The following PARP15 variants were observed in gnomAD, a reference collection of about 807,000 sequenced individuals.
PARP15 encodes poly(ADP-ribose) polymerase family member 15.
In PARP15, 50 loss-of-function variants were observed where a neutral mutation model predicts 62.1. That is an observed-to-expected ratio of 0.81 (90% confidence interval 0.64 to 1.02). The LOEUF (loss-of-function observed/expected upper bound fraction) is 1.02, where lower values mean the gene tolerates loss of function less well. Ranked by LOEUF, PARP15 falls within the 50% of genes least tolerant of loss-of-function variation. The pLI, the probability that PARP15 is intolerant of heterozygous loss-of-function variation, is 0.00. For missense variants in PARP15, 820 were observed against 826.5 expected, an observed-to-expected ratio of 0.99 and a Z score of 0.10; for synonymous variants, 309 against 293.1, an observed-to-expected ratio of 1.05 and a Z score of -0.55.
intron 4 of PARP15, among the ~76,000 whole-genome samples, chr3:122,614,759 T>C (rs189222827): frequency 3.3e-5 from 5 of 152,286 alleles, no homozygotes; most frequent in Admixed American, 1.3e-4. Context: ...ACTGGTGCAG[T>C]GGCTCACGCC....
chr3:122,602,371 G>C (rs1187965576), intron 1 of PARP15, among the ~76,000 whole-genome samples: 1 of 152,164 alleles, frequency 6.6e-6, no homozygotes, highest in Non-Finnish European at 1.5e-5. Context: ...AGGGACAAAT[G>C]CTGTTATGGA....
intron 10 of PARP15, among the ~76,000 whole-genome samples, chr3:122,633,633 A>G (rs1294264404): frequency 6.6e-6 from 1 of 152,152 alleles, no homozygotes; most frequent in Non-Finnish European, 1.5e-5. Flanking sequence ...AAATCTACAG[A>G]TGATTGAAAG....
In PARP15 at chr3:122,577,956, AC is replaced by A. The variant is rs141265268; in HGVS notation, c.186+104del. On this transcript the variant is annotated intron_variant, in intron 1 of 11. Coordinates refer to ENST00000464300, the MANE Select transcript of PARP15 (RefSeq NM_001113523.3). ...CGGGCGCAGAGACCCCACGCCACGC[AC>A]AACCCTCTCTTCTAGGGGGCGCCGA... 8.1e-3 allele frequency: 10,393 copies of A among 1,276,208 alleles called. 129 individuals carry two copies. The highest frequency in any genetic ancestry group is 0.054 in the Middle Eastern group (193 of 3,592). The allele number at this position is 1,276,208 out of a possible 1,614,324, so 79.1% of individuals were successfully genotyped here. A position where few individuals can be genotyped will look rare whatever the true frequency, so the allele number is the denominator to read the frequency against.
At chr3:122,626,239 C>T (rs1936720263) in intron 8 of PARP15, among the ~76,000 whole-genome samples, 1 of 147,042 alleles carries the variant, frequency 6.8e-6, no homozygotes, top group African/African-American at 2.5e-5. Context: ...TGCTCTGTCG[C>T]CCAGGCTGGA....
At chr3:122,615,288 G>C in intron 4 of PARP15, 2 of 1,289,222 alleles carry the variant, frequency 1.6e-6, no homozygotes, top group South Asian at 1.2e-5. Flanking sequence ...TCATTCAGGA[G>C]GCTTTGGCTG....
intron 9 of PARP15, among the ~76,000 whole-genome samples, chr3:122,628,793 TC>T (rs1284288210): frequency 6.6e-6 from 1 of 152,234 alleles, no homozygotes; most frequent in Non-Finnish European, 1.5e-5. Context: ...CATTACGTCA[TC>T]TTTGTTGTTA....
intron 8 of PARP15, among the ~76,000 whole-genome samples, chr3:122,622,295 C>A (rs920519429): frequency 1.3e-5 from 2 of 152,174 alleles, no homozygotes; most frequent in African/African-American, 4.8e-5. Flanking sequence ...TTACCAGAAA[C>A]TTCATTACAT....
intron 1 of PARP15, among the ~76,000 whole-genome samples, chr3:122,598,008 T>A (rs9812817): frequency 0.78 from 118,485 of 151,988 alleles, 46,380 homozygotes; most frequent in East Asian, 0.9. Flanking sequence ...TTGTATTTTT[T>A]AAAAAATATT....
At chr3:122,613,586 C>A (rs1343397382) in intron 4 of PARP15, among the ~76,000 whole-genome samples, 1 of 152,114 alleles carries the variant, frequency 6.6e-6, no homozygotes, top group Non-Finnish European at 1.5e-5. Flanking sequence ...GGGGAAAGGG[C>A]AGAATGAGAG....
chr3:122,635,049 G>A lies in PARP15; in HGVS notation c.1602G>A (p.Trp534Ter). 6.2e-7 allele frequency: 1 copy of A among 1,613,828 alleles called. No individual in the cohort carries two copies. ...AGAGGATACAGAATGCATTTCTCTGGCAGAGCTACCAGGTAAAGAAAAGGC... is the reference window on the plus strand; with the variant it reads ...AGAGGATACAGAATGCATTTCTCTGACAGAGCTACCAGGTAAAGAAAAGGC... Reference protein sequence around the residue: ...KIERIQNAFLWQSYQVKKRQM... With the variant: ...KIERIQNAFL The change falls in exon 11 of 12, where the codon TGG becomes TGA. Residue 534 changes from tryptophan to a stop codon, truncating the protein, a stop_gained. Coordinates refer to ENST00000464300, the MANE Select transcript of PARP15 (RefSeq NM_001113523.3). LOFTEE classifies it high-confidence loss of function.
chr3:122,585,664 A>C (rs1379349353), intron 1 of PARP15, among the ~76,000 whole-genome samples: 2 of 152,212 alleles, frequency 1.3e-5, no homozygotes, highest in African/African-American at 4.8e-5. Context: ...GTTACATAAA[A>C]GCTGAACCAG....
intron 1 of PARP15, among the ~76,000 whole-genome samples, chr3:122,588,500 T>C (rs1021398957): frequency 6.6e-6 from 1 of 152,138 alleles, no homozygotes; most frequent in African/African-American, 2.4e-5. Context: ...TATCTACTTT[T>C]AGAAATTTTC....
rs1185871133 is a variant in PARP15 at position 122,613,278 on chromosome 3, C to T, written c.771+10C>T. The stretch of plus-strand genomic sequence containing the variant: ...CGATGAAGGCTGTCAGGTATGGTTA[C>T]ATATCCCATCTGGTTAATTCTGGCA... On this transcript the variant is annotated intron_variant, in intron 4 of 11. Transcript: ENST00000464300. The T allele has an allele frequency of 2.6e-6, 4 of 1,523,868 alleles. No homozygotes were observed. Among genetic ancestry groups the T allele is most frequent in the Non-Finnish European group, 3.6e-6 (4 of 1,121,552 alleles). The allele number at this position is 1,523,868 out of a possible 1,614,324, so 94.4% of individuals were successfully genotyped here. A position where few individuals can be genotyped will look rare whatever the true frequency, so the allele number is the denominator to read the frequency against.
intron 1 of PARP15, among the ~76,000 whole-genome samples, chr3:122,598,247 T>C (rs1399595930): frequency 6.6e-6 from 1 of 152,258 alleles, no homozygotes; most frequent in Non-Finnish European, 1.5e-5. Context: ...TTTCTATTGC[T>C]ACATAACAAA....
intron 1 of PARP15, among the ~76,000 whole-genome samples, chr3:122,581,515 T>G (rs1450738083): frequency 6.6e-6 from 1 of 152,238 alleles, no homozygotes; most frequent in Non-Finnish European, 1.5e-5. Context: ...TGAGCATCTT[T>G]TTATATTCTT....
At chr3:122,625,529 C>T (rs746888917) in intron 8 of PARP15, among the ~76,000 whole-genome samples, 22 of 152,216 alleles carry the variant, frequency 1.4e-4, no homozygotes, top group Non-Finnish European at 2.9e-4. Flanking sequence ...GCTGGGATTA[C>T]AGGCGTGAGC....
At position 122,638,703 on chromosome 3, in the gene PARP15, C is replaced by G. The variant is rs1418486826; in HGVS notation, c.*2603C>G. 1.3e-5 allele frequency: 2 copies of G among 151,980 alleles called. No homozygotes were observed. Among genetic ancestry groups the G allele is most frequent in the Admixed American group, 6.6e-5 (1 of 15,246 alleles). The allele number at this position is 151,980 out of a possible 1,614,324, so 9.4% of individuals were successfully genotyped here. A position where few individuals can be genotyped will look rare whatever the true frequency, so the allele number is the denominator to read the frequency against. ...TCATTGTAGATTCTGGATATTAGCC[C>G]TTTGTCAGATGAGTAGATTGCAAAA... is the stretch of plus-strand genomic sequence containing the variant. On this transcript the variant is annotated 3_prime_UTR_variant, in exon 12 of 12. Transcript: ENST00000464300.
Position 122,635,880 on chromosome 3 carries a change from A to C in PARP15, c.1817A>C (p.Lys606Thr). The change falls in exon 12 of 12, where the codon AAG becomes ACG. Residue 606 changes from lysine to threonine, a missense_variant. Lys to Thr is a moderately conservative substitution (Grantham distance 78). Transcript: ENST00000464300. Reference protein sequence around the residue: ...ASYSAKDTYSKPDSNGRKHMY... With the variant: ...ASYSAKDTYSTPDSNGRKHMY... ...TATTCTGCCAAGGACACCTACTCCAAGCCAGACAGCAATGGGAGAAAGCAC... is the reference window on the plus strand; with the variant it reads ...TATTCTGCCAAGGACACCTACTCCACGCCAGACAGCAATGGGAGAAAGCAC... The C allele has an allele frequency of 6.2e-7, 1 of 1,614,120 alleles. No homozygotes were observed. Among genetic ancestry groups the C allele is most frequent in the Non-Finnish European group, 8.5e-7 (1 of 1,179,992 alleles).
intron 8 of PARP15, among the ~76,000 whole-genome samples, chr3:122,625,858 G>A (rs531957913): frequency 1.9e-4 from 29 of 152,318 alleles, no homozygotes; most frequent in Admixed American, 1.8e-3. Context: ...CCCAAGATCA[G>A]ACAGCTAGTA....
Sources: gnomAD v4.1 joint callset for allele counts (sites outside exome capture counted in the v4.1 genomes callset) on GRCh38, gnomAD v4.1.1 for gene constraint, MANE v1.5 for transcripts, NCBI Gene and HGNC (gene_info 2026-07-23, HGNC 2026-07-21) for gene names.